Variants in CALN1 observed in about 807,000 individuals in gnomAD.
The protein encoded by CALN1 is calneuron 1, also known as calcium-binding protein 8.
A neutral mutation model predicts 30.6 loss-of-function variants in CALN1; 17 were observed. The observed-to-expected ratio is 0.56, with a 90% CI of 0.38 to 0.83. CALN1 has a LOEUF of 0.83. Ranked by LOEUF, CALN1 falls within the 40% of genes least tolerant of loss-of-function variation. The probability of loss-of-function intolerance (pLI) is 0.00; values close to 1 mark genes in which losing one functional copy is unlikely to be tolerated. For synonymous variants in CALN1, 156 were observed against 131.4 expected (o/e 1.19, Z -1.28); for missense variants, 291 against 354.9 (o/e 0.82, Z 1.45).
intron 4 of CALN1, among the ~76,000 whole-genome samples, chr7:72,043,885 C>G (rs773536182): frequency 4.6e-5 from 7 of 152,180 alleles, no homozygotes; most frequent in South Asian, 2.1e-4. Context: ...GGAGGCCTCA[C>G]AATCATGGCG....
At chr7:71,980,639 C>G (rs1414802009) in intron 5 of CALN1, among the ~76,000 whole-genome samples, 1 of 152,176 alleles carries the variant, frequency 6.6e-6, no homozygotes, top group African/African-American at 2.4e-5. Flanking sequence ...AGGGCCTGCT[C>G]TGAGCACCAC....
chr7:72,293,123 C>T (rs1317150398), intron 2 of CALN1, among the ~76,000 whole-genome samples: 1 of 152,114 alleles, frequency 6.6e-6, no homozygotes, highest in Non-Finnish European at 1.5e-5. Context: ...AAAACAGAGC[C>T]TGTATCAGGC....
At chr7:72,392,457 G>A (rs190728827) in intron 2 of CALN1, among the ~76,000 whole-genome samples, 6 of 152,270 alleles carry the variant, frequency 3.9e-5, no homozygotes, top group South Asian at 2.1e-4. Context: ...AGAGCTGAAC[G>A]GTGCTGATGG....
intron 3 of CALN1, among the ~76,000 whole-genome samples, chr7:72,273,537 G>A (rs1490774374): frequency 7.2e-6 from 1 of 139,172 alleles, no homozygotes; most frequent in Non-Finnish European, 1.5e-5. Flanking sequence ...CCTAGAGACA[G>A]GGTCTTTCTT....
At chr7:71,913,257 C>G (rs1333718060) in intron 5 of CALN1, among the ~76,000 whole-genome samples, 4 of 152,184 alleles carry the variant, frequency 2.6e-5, no homozygotes. Context: ...CAAATTCTAG[C>G]AGTAAGTCAC....
chr7:72,061,033 C>T (rs937043109), intron 4 of CALN1, among the ~76,000 whole-genome samples: 2 of 152,180 alleles, frequency 1.3e-5, no homozygotes, highest in African/African-American at 4.8e-5. Context: ...GGGTGGAGCA[C>T]GAGCAGAACA....
chr7:72,098,411 T>A (rs891937203), intron 4 of CALN1, among the ~76,000 whole-genome samples: 7 of 152,152 alleles, frequency 4.6e-5, no homozygotes, highest in African/African-American at 9.7e-5. Context: ...TATTTAACTC[T>A]GAATAGTTCA....
At chr7:71,938,098 C>CA (rs1345630564) in intron 5 of CALN1, among the ~76,000 whole-genome samples, 1 of 152,130 alleles carries the variant, frequency 6.6e-6, no homozygotes, top group Non-Finnish European at 1.5e-5. Context: ...CCAAGAGTAT[C>CA]AGAGAGATTG....
At position 72,385,924 on chromosome 7, in the gene CALN1, A is replaced by G. The variant is rs117402655; in HGVS notation, c.119+17327T>C. On this transcript the variant is annotated intron_variant, in intron 2 of 6. Coordinates refer to ENST00000395275, the MANE Select transcript of CALN1 (RefSeq NM_031468.4). ...ATTTATACATTACCCAGTCTTGGGT[A>G]GTTCTTTATAGCAGTGTAAAAACAA... Among the ~76,000 whole-genome samples the G allele has an allele frequency of 2.0e-3, 298 of 152,338 alleles. 8 individuals are homozygous for G. The East Asian group carries it at 0.047, about 24-fold the overall frequency.
intron 2 of CALN1, among the ~76,000 whole-genome samples, chr7:72,304,144 C>A (rs1799488751): frequency 6.6e-6 from 1 of 152,146 alleles, no homozygotes; most frequent in South Asian, 2.1e-4. Context: ...ACTGGGAGGT[C>A]CAAAGGTATG....
intron 1 of CALN1, 45 bp from the exon 2 acceptor site, chr7:72,403,487 G>C (rs373135757): frequency 3.8e-5 from 27 of 710,808 alleles, no homozygotes; most frequent in Non-Finnish European, 5.7e-5. Context: ...AGTGCTGGGC[G>C]ATTATTCTTC....
At chr7:72,162,117 G>C (rs1788156185) in intron 3 of CALN1, among the ~76,000 whole-genome samples, 3 of 151,622 alleles carry the variant, frequency 2.0e-5, no homozygotes, top group African/African-American at 7.3e-5. Context: ...TGATATTATA[G>C]CACAGAAAGA....
At chr7:72,313,244 C>T (rs893861722) in intron 2 of CALN1, among the ~76,000 whole-genome samples, 12 of 152,014 alleles carry the variant, frequency 7.9e-5, no homozygotes, top group African/African-American at 2.9e-4. Flanking sequence ...TATGGTAATT[C>T]GGTACATAAC....
chr7:72,066,948 ATTT>A (rs548362102), intron 4 of CALN1, among the ~76,000 whole-genome samples: 5 of 144,932 alleles, frequency 3.4e-5, no homozygotes, highest in Non-Finnish European at 7.6e-5. Context: ...TGCCCAGCTA[ATTT>A]TTTTTTTTTT....
At chr7:71,969,079 C>T (rs568078739) in intron 5 of CALN1, among the ~76,000 whole-genome samples, 1 of 151,520 alleles carries the variant, frequency 6.6e-6, no homozygotes, top group African/African-American at 2.4e-5. Flanking sequence ...GAACTGCACA[C>T]CTAAAGGATG....
chr7:72,099,666 T>C lies in CALN1; in HGVS notation c.388+6485A>G, dbSNP rs570078663. ...TTTCACACTTAGGGACTGTATAAATTTTTGTGGCAGCAATACCCGTAGCCT... is the reference window on the plus strand; with the variant it reads ...TTTCACACTTAGGGACTGTATAAATCTTTGTGGCAGCAATACCCGTAGCCT... On this transcript the variant is annotated intron_variant, in intron 4 of 6. Transcript: ENST00000395275. 8.5e-5 allele frequency among the ~76,000 whole-genome samples: 13 copies of C among 152,242 alleles called. No homozygotes were observed. In the South Asian group the frequency reaches 2.7e-3, roughly 32 times the overall value.
intron 5 of CALN1, among the ~76,000 whole-genome samples, chr7:71,946,774 G>T (rs929113348): frequency 1.3e-5 from 2 of 152,082 alleles, no homozygotes; most frequent in African/African-American, 4.8e-5. Context: ...GCATTGGATG[G>T]TACCTGACAC....
intron 1 of CALN1, among the ~76,000 whole-genome samples, chr7:72,430,679 C>G (rs1041445717): frequency 6.6e-6 from 1 of 152,120 alleles, no homozygotes; most frequent in Non-Finnish European, 1.5e-5. Flanking sequence ...GAGCCGAGCA[C>G]CAACCAATCA....
intron 3 of CALN1, among the ~76,000 whole-genome samples, chr7:72,124,958 C>CA (rs1808641402): frequency 1.3e-5 from 2 of 151,830 alleles, no homozygotes; most frequent in African/African-American, 4.8e-5. Flanking sequence ...TTTTTTAACT[C>CA]ACAGTATTTT....
Sources: gnomAD v4.1 joint callset for allele counts (sites outside exome capture counted in the v4.1 genomes callset) on GRCh38, gnomAD v4.1.1 for gene constraint, MANE v1.5 for transcripts, NCBI Gene and HGNC (gene_info 2026-07-23, HGNC 2026-07-21) for gene names.